Variants in KCNQ1 observed in about 807,000 individuals in gnomAD.
KCNQ1 encodes the protein potassium voltage-gated channel subfamily KQT member 1.
KCNQ1 carries 49 observed loss-of-function variants against 72.4 expected under a neutral mutation model. The ratio of observed to expected loss-of-function variants is 0.68; its 90% CI spans 0.54 to 0.86. The LOEUF is 0.86. Ranked by LOEUF, KCNQ1 falls within the 40% of genes least tolerant of loss-of-function variation. The probability of loss-of-function intolerance (pLI) is 0.00; values close to 1 mark genes in which losing one functional copy is unlikely to be tolerated. For synonymous variants in KCNQ1, 450 were observed against 412.6 expected, an observed-to-expected ratio of 1.09 and a Z score of -1.10; for missense variants, 790 against 945.1, an observed-to-expected ratio of 0.84 and a Z score of 2.15.
chr11:2,625,443 G>A (rs1849247021), intron 10 of KCNQ1: 2 of 398,398 alleles, frequency 5.0e-6, no homozygotes, highest in African/African-American at 4.1e-5. Flanking sequence ...TTTTTTAATA[G>A]TAGTCATCTG....
At chr11:2,721,559 G>T (rs1036761133) in intron 11 of KCNQ1, among the ~76,000 whole-genome samples, 6 of 152,242 alleles carry the variant, frequency 3.9e-5, no homozygotes, top group Non-Finnish European at 5.9e-5. Context: ...TTTACATTCC[G>T]GCGGTCAGCA....
intron 6 of KCNQ1, among the ~76,000 whole-genome samples, chr11:2,580,523 G>A (rs1848483531): frequency 6.6e-6 from 1 of 152,152 alleles, no homozygotes; most frequent in Non-Finnish European, 1.5e-5. Context: ...AGAGGACGGG[G>A]ATCCCCACGC....
At position 2,824,740 on chromosome 11, in the gene KCNQ1, A is replaced by G. The variant is rs1344585149; in HGVS notation, c.1795-23027A>G. On this transcript the variant is annotated intron_variant, in intron 15 of 15. Transcript: ENST00000155840. This position sits in a 1 kb window ranked among gnomAD's most constrained non-coding sequence, Gnocchi z 5.9. ...AGACAGTCAGGAGCTTGGGCATCCT[A>G]GAGGCCCCCGGGACAGCTTTGAGGA... 6.6e-6 allele frequency among the ~76,000 whole-genome samples: 1 copy of G among 151,964 alleles called. No individual in the cohort carries two copies. Among genetic ancestry groups the G allele is most frequent in the African/African-American group, 2.4e-5 (1 of 41,400 alleles).
chr11:2,447,576 A>G lies in KCNQ1; in HGVS notation c.386+2092A>G, dbSNP rs543081218. 6.6e-6 allele frequency among the ~76,000 whole-genome samples: 1 copy of G among 151,962 alleles called. No homozygotes were observed. The highest frequency in any genetic ancestry group is 2.1e-4 in the South Asian group (1 of 4,808). ...GGCAGGACCAGTCTCTTGAGGGGAG[A>G]CCTGGTCATAGAACCAGGATGGCAG... On this transcript the variant is annotated intron_variant, in intron 1 of 15. Transcript: ENST00000155840. The surrounding 1 kb of genome is among the most constrained non-coding windows in gnomAD (Gnocchi z 7.6).
rs2133604319 is a variant in KCNQ1 at position 2,475,647 on chromosome 11, C to T, written c.386+30163C>T. Among the ~76,000 whole-genome samples, 1 of 152,292 alleles carries T rather than the reference C, an allele frequency of 6.6e-6. No individual in the cohort carries two copies. Among genetic ancestry groups the T allele is most frequent in the Non-Finnish European group, 1.5e-5 (1 of 68,032 alleles). The stretch of plus-strand genomic sequence containing the variant: ...TGTGAAGCTGTAACTTTCATGAAGA[C>T]AGTGACGTGGTTTGTCACTGCCCGG... On this transcript the variant is annotated intron_variant, in intron 1 of 15. Transcript: ENST00000155840. This position sits in a 1 kb window ranked among gnomAD's most constrained non-coding sequence, Gnocchi z 5.8.
chr11:2,739,131 G>A (rs1846005897), intron 11 of KCNQ1, among the ~76,000 whole-genome samples: 1 of 152,198 alleles, frequency 6.6e-6, no homozygotes, highest in African/African-American at 2.4e-5. Context: ...TGTGTGCAGT[G>A]CGTCTGGCAC....
At chr11:2,500,578 T>G (rs1846992988) in intron 1 of KCNQ1, among the ~76,000 whole-genome samples, 1 of 152,190 alleles carries the variant, frequency 6.6e-6, no homozygotes, top group East Asian at 1.9e-4. Context: ...TGCACACATA[T>G]GTTTATTGCA....
rs199472730 is a variant in KCNQ1 at position 2,572,895 on chromosome 11, C to T, written c.830C>T (p.Ser277Leu). Residue 277 changes from serine to leucine, a missense_variant, in exon 6 of 16, where the codon TCG becomes TTG. Around this residue, in one of 5 missense-constraint regions of KCNQ1, gnomAD observed 133 missense variants for 219.5 expected, o/e 0.61. Coordinates refer to ENST00000155840, the MANE Select transcript of KCNQ1 (RefSeq NM_000218.3). Reference protein sequence around the residue: ...YIGFLGLIFSSYFVYLAEKDA... With the variant: ...YIGFLGLIFSLYFVYLAEKDA... ...GGCTTCCTGGGCCTCATCTTCTCCT[C>T]GTACTTTGTGTACCTGGCTGAGAAG... is the stretch of plus-strand genomic sequence containing the variant. 3.1e-6 allele frequency: 5 copies of T among 1,613,710 alleles called. No homozygotes were observed. The highest frequency in any genetic ancestry group is 2.2e-5 in the East Asian group (1 of 44,890).
rs1849239123 is a variant in KCNQ1, at chr11:2,624,883, C to T, written c.1393+36029C>T. ...TGTATTTCATTTAACATAATGGCCTCGAGGTTCATCCATGTTGTGGCATGT... is the reference window on the plus strand; with the variant it reads ...TGTATTTCATTTAACATAATGGCCTTGAGGTTCATCCATGTTGTGGCATGT... On this transcript the variant is annotated intron_variant, in intron 10 of 15. Transcript: ENST00000155840. This position sits in a 1 kb window ranked among gnomAD's most constrained non-coding sequence, Gnocchi z 4.9. 2.5e-6 allele frequency: 1 copy of T among 398,308 alleles called. No individual in the cohort carries two copies. The highest frequency in any genetic ancestry group is 1.3e-4 in the South Asian group (1 of 7,840). The allele number at this position is 398,308 out of a possible 1,614,324, so 24.7% of individuals were successfully genotyped here. A position where few individuals can be genotyped will look rare whatever the true frequency, so the allele number is the denominator to read the frequency against.
chr11:2,661,944 C>A lies in KCNQ1; in HGVS notation c.1394-17C>A. The A allele has an allele frequency of 3.7e-6, 6 of 1,614,142 alleles. No homozygotes were observed. The highest frequency in any genetic ancestry group is 4.2e-6 in the Non-Finnish European group (5 of 1,180,032). ...GGGTGGGAGGCCTAACGTGCTGTCCCCACACTTTCTCCTCAGTAAGGAAGA... is the reference window on the plus strand; with the variant it reads ...GGGTGGGAGGCCTAACGTGCTGTCCACACACTTTCTCCTCAGTAAGGAAGA... On this transcript the variant is annotated splice_polypyrimidine_tract_variant and intron_variant, in intron 10 of 15. Transcript: ENST00000155840. This position sits in a 1 kb window ranked among gnomAD's most constrained non-coding sequence, Gnocchi z 5.9.
At chr11:2,452,097 G>A (rs773286011) in intron 1 of KCNQ1, among the ~76,000 whole-genome samples, 19 of 152,230 alleles carry the variant, frequency 1.2e-4, no homozygotes, top group Admixed American at 2.6e-4. Context: ...CACCCAGAGA[G>A]TGCAGGTTCC....
chr11:2,530,007 G>A (rs1028041640), intron 2 of KCNQ1, among the ~76,000 whole-genome samples: 1 of 152,180 alleles, frequency 6.6e-6, no homozygotes, highest in African/African-American at 2.4e-5. Context: ...AAACCCCCTT[G>A]GTCCTGGCGT....
chr11:2,644,552 A>G (rs991323627), intron 10 of KCNQ1: 2 of 398,200 alleles, frequency 5.0e-6, no homozygotes, highest in Admixed American at 8.8e-5. Flanking sequence ...GGTTTCATCA[A>G]TTTCTTTTTC....
At position 2,588,282 on chromosome 11, in the gene KCNQ1, C is replaced by T. The variant is rs1199832550; in HGVS notation, c.1252-431C>T. Reference sequence around the variant, plus strand: ...AGTTTCCAGCTGCCGGTGGAGCCTCCGTGCCTACTGTTCCCTGTGCTGGAA... The same window carrying T: ...AGTTTCCAGCTGCCGGTGGAGCCTCTGTGCCTACTGTTCCCTGTGCTGGAA... On this transcript the variant is annotated intron_variant, in intron 9 of 15. Coordinates refer to ENST00000155840, the MANE Select transcript of KCNQ1 (RefSeq NM_000218.3). This position sits in a 1 kb window ranked among gnomAD's most constrained non-coding sequence, Gnocchi z 5.6. Among the ~76,000 whole-genome samples, 1 of 152,052 alleles carries T rather than the reference C, an allele frequency of 6.6e-6. No individual in the cohort carries two copies. Among genetic ancestry groups the T allele is most frequent in the African/African-American group, 2.4e-5 (1 of 41,378 alleles).
chr11:2,722,102 G>A (rs1162606600), intron 11 of KCNQ1, among the ~76,000 whole-genome samples: 1 of 152,122 alleles, frequency 6.6e-6, no homozygotes, highest in Non-Finnish European at 1.5e-5. Flanking sequence ...GTCCTGGCAG[G>A]CACAGGGTAT....
intron 1 of KCNQ1, among the ~76,000 whole-genome samples, chr11:2,504,971 A>G (rs179406): frequency 6.6e-6 from 1 of 151,926 alleles, no homozygotes. Flanking sequence ...TCTGTTAGTA[A>G]CGCTTTTGTT....
intron 10 of KCNQ1, among the ~76,000 whole-genome samples, chr11:2,591,090 G>A (rs889021884): frequency 6.6e-6 from 1 of 152,250 alleles, no homozygotes; most frequent in African/African-American, 2.4e-5. Flanking sequence ...GAATGTCTCA[G>A]CTTACCAGCA....
Position 2,623,566 on chromosome 11 carries a change from T to C in KCNQ1, c.1393+34712T>C, listed in dbSNP as rs1849210200. The C allele has an allele frequency of 5.0e-6, 2 of 398,606 alleles. No individual in the cohort carries two copies. The highest frequency in any genetic ancestry group is 8.8e-6 in the Non-Finnish European group (2 of 226,054). 24.7% of individuals were successfully genotyped at this position (398,606 alleles called of 1,614,324 possible). ...CCTTATTTCACATAGTAATATGTTT[T>C]TTAATTACCTCCATATCTTTTCATG... On this transcript the variant is annotated intron_variant, in intron 10 of 15. Coordinates refer to ENST00000155840, the MANE Select transcript of KCNQ1 (RefSeq NM_000218.3). This position sits in a 1 kb window ranked among gnomAD's most constrained non-coding sequence, Gnocchi z 5.2.
rs1421723438 is a variant in KCNQ1, at chr11:2,549,860, C to A, written c.478-20768C>A. On this transcript the variant is annotated intron_variant, in intron 2 of 15. Transcript: ENST00000155840. This position sits in a 1 kb window ranked among gnomAD's most constrained non-coding sequence, Gnocchi z 6.2. ...AGAGACCCCTGGGCAGGACACCCCT[C>A]CCTGGCTTTTCCTTCTGCACCACTC... Among the ~76,000 whole-genome samples the A allele has an allele frequency of 6.6e-6, 1 of 152,160 alleles. No individual in the cohort carries two copies. The highest frequency in any genetic ancestry group is 1.5e-5 in the Non-Finnish European group (1 of 68,006).
Sources: gnomAD v4.1 joint callset for allele counts (sites outside exome capture counted in the v4.1 genomes callset) on GRCh38, gnomAD v4.1.1 for gene constraint, gnomAD v4.1.1 regional missense constraint, Gnocchi (gnomAD v3.1) non-coding constraint, MANE v1.5 for transcripts, NCBI Gene and HGNC (gene_info 2026-07-23, HGNC 2026-07-21) for gene names.